Variants in PVT1 observed in about 807,000 individuals in gnomAD.
PVT1 encodes Pvt1 oncogene.
At chr8:127,856,055 T>C (rs753488253) in intron 2 of PVT1, among the ~76,000 whole-genome samples, 2 of 152,244 alleles carry the variant, frequency 1.3e-5, no homozygotes, top group Non-Finnish European at 2.9e-5. Context: ...CCTACATCTT[T>C]ATCAAAAGTA....
chr8:127,797,154 T>A (rs891849736), intron 2 of PVT1, among the ~76,000 whole-genome samples: 4 of 151,940 alleles, frequency 2.6e-5, no homozygotes, highest in Admixed American at 2.6e-4. Context: ...CTGGGAGGCC[T>A]CCCAAGTTGC....
At chr8:128,014,774 G>A (rs776889757) in intron 4 of PVT1, among the ~76,000 whole-genome samples, 3 of 152,218 alleles carry the variant, frequency 2.0e-5, no homozygotes, top group Non-Finnish European at 4.4e-5. Context: ...ACTAAGAAAA[G>A]GGAATGTGGA....
intron 5 of PVT1, among the ~76,000 whole-genome samples, chr8:128,071,795 T>C (rs1431161547): frequency 6.6e-6 from 1 of 152,096 alleles, no homozygotes; most frequent in East Asian, 1.9e-4. Context: ...TGGGAAGCAT[T>C]TTATTTCTAC....
chr8:127,992,376 C>T (rs1421182239), intron 4 of PVT1, among the ~76,000 whole-genome samples: 1 of 152,212 alleles, frequency 6.6e-6, no homozygotes, highest in African/African-American at 2.4e-5. Flanking sequence ...CAGAGCAAGA[C>T]TCTGTCTCAA....
intron 3 of PVT1, among the ~76,000 whole-genome samples, chr8:127,950,132 A>G (rs1237472122): frequency 1.3e-5 from 2 of 150,706 alleles, no homozygotes; most frequent in East Asian, 3.9e-4. Context: ...TAATCCTTTT[A>G]ATAAACTTCC....
intron 4 of PVT1, among the ~76,000 whole-genome samples, chr8:128,043,816 G>C (rs1431137489): frequency 5.7e-5 from 8 of 141,172 alleles, no homozygotes; most frequent in African/African-American, 1.1e-4. Flanking sequence ...ACACAAGGAG[G>C]CCAAACATCT....
At chr8:127,801,921 T>C (rs865808432) in intron 2 of PVT1, among the ~76,000 whole-genome samples, 2 of 146,032 alleles carry the variant, frequency 1.4e-5, no homozygotes, top group African/African-American at 5.3e-5. Flanking sequence ...TATTTATTTA[T>C]TTATTTATTT....
At chr8:127,982,881 T>C (rs868500126) in intron 3 of PVT1, among the ~76,000 whole-genome samples, 5 of 152,306 alleles carry the variant, frequency 3.3e-5, no homozygotes, top group Middle Eastern at 3.4e-3. Context: ...TGAAAGAGTC[T>C]GTGCATTATT....
chr8:128,043,494 TAGAC>T (rs1183151956), intron 4 of PVT1, among the ~76,000 whole-genome samples: 1 of 152,108 alleles, frequency 6.6e-6, no homozygotes, highest in African/African-American at 2.4e-5. Flanking sequence ...CCTAGAGACT[TAGAC>T]AGAGGGCATG....
intron 4 of PVT1, among the ~76,000 whole-genome samples, chr8:127,992,863 C>G (rs1817058970): frequency 6.6e-6 from 1 of 152,212 alleles, no homozygotes; most frequent in Non-Finnish European, 1.5e-5. Context: ...GGCCTCCTGG[C>G]CTTTGGTGAC....
At chr8:127,803,537 G>A (rs1814493300) in intron 2 of PVT1, 1 of 152,170 alleles carries the variant, frequency 6.6e-6, no homozygotes, top group Non-Finnish European at 1.5e-5. Context: ...AAACTCATGT[G>A]GAATGTGGAT....
chr8:127,991,872 A>G (rs2130000194), intron 4 of PVT1, among the ~76,000 whole-genome samples: 1 of 152,232 alleles, frequency 6.6e-6, no homozygotes, highest in South Asian at 2.1e-4. Flanking sequence ...CTGTCTAGAA[A>G]TCAGCCTGGC....
At chr8:128,065,464 G>T (rs887822519) in intron 4 of PVT1, among the ~76,000 whole-genome samples, 3 of 152,204 alleles carry the variant, frequency 2.0e-5, no homozygotes, top group East Asian at 3.8e-4. Flanking sequence ...GGGGTTGCAG[G>T]TGTGAGCCAC....
chr8:128,079,268 C>T (rs1017052906), intron 5 of PVT1, among the ~76,000 whole-genome samples: 3 of 152,102 alleles, frequency 2.0e-5, no homozygotes, highest in African/African-American at 7.2e-5. Context: ...AAGGATATGA[C>T]TGTTGCTCAG....
chr8:127,818,453 C>A (rs1814691773), intron 2 of PVT1, among the ~76,000 whole-genome samples: 1 of 152,146 alleles, frequency 6.6e-6, no homozygotes, highest in Non-Finnish European at 1.5e-5. Flanking sequence ...GTCTCTCTTC[C>A]AGGAGAGGGA....
intron 4 of PVT1, among the ~76,000 whole-genome samples, chr8:128,032,855 C>A (rs1163750671): frequency 1.3e-5 from 2 of 152,218 alleles, no homozygotes; most frequent in Non-Finnish European, 2.9e-5. Context: ...CAAGACCACT[C>A]CTAGGTGAGT....
intron 2 of PVT1, among the ~76,000 whole-genome samples, chr8:127,881,501 A>G (rs888693598): frequency 6.7e-6 from 1 of 149,950 alleles, no homozygotes; most frequent in Non-Finnish European, 1.5e-5. Flanking sequence ...CCCAGGTTGG[A>G]GTGCAGTGGC....
chr8:127,823,691 G>A (rs866898822), intron 2 of PVT1, among the ~76,000 whole-genome samples: 1 of 152,208 alleles, frequency 6.6e-6, no homozygotes, highest in African/African-American at 2.4e-5. Context: ...CCCTGGCAAG[G>A]TGTGGAACAT....
At chr8:128,069,374 C>T (rs1813953377) in intron 4 of PVT1, among the ~76,000 whole-genome samples, 1 of 152,094 alleles carries the variant, frequency 6.6e-6, no homozygotes, top group African/African-American at 2.4e-5. Flanking sequence ...ATGTGTAAGG[C>T]CCATGTTCCA....
Sources: allele counts gnomAD v4.1 joint callset (sites outside exome capture counted in the v4.1 genomes callset), GRCh38; gene constraint gnomAD v4.1.1; transcripts MANE v1.5; gene names NCBI Gene and HGNC (gene_info 2026-07-23, HGNC 2026-07-21).